COL2A1: variants seen among roughly 807,000 people sequenced by gnomAD.
COL2A1 encodes collagen alpha-1(II) chain.
COL2A1 carries 28 observed loss-of-function variants against 204.5 expected under a neutral mutation model. That is an observed-to-expected ratio of 0.14 (90% CI 0.10 to 0.19). COL2A1 has a LOEUF of 0.19. Among genes scored for constraint, COL2A1 ranks in the 10% least tolerant of loss-of-function variants. The pLI is 1.00. For missense variants in COL2A1, 1,388 were observed against 2,027.5 expected (o/e 0.68, Z 6.06); for synonymous variants, 708 against 718.7 (o/e 0.99, Z 0.24).
chr12:47,973,290 T>A lies in COL2A1; in HGVS notation c.*117A>T. 7.4e-7 allele frequency: 1 copy of A among 1,350,362 alleles called. No individual in the cohort carries two copies. Among genetic ancestry groups the A allele is most frequent in the Non-Finnish European group, 1.1e-6 (1 of 939,536 alleles). 83.6% of individuals were successfully genotyped at this position (1,350,362 alleles called of 1,614,324 possible). A position where few individuals can be genotyped will look rare whatever the true frequency, so the allele number is the denominator to read the frequency against. ...AAGTCCGAACTGTGAGAGGGTGGGA[T>A]GAATGGACATCAGGTCAGGTCAGCC... is the stretch of plus-strand genomic sequence containing the variant. On this transcript the variant is annotated 3_prime_UTR_variant, in exon 54 of 54. Coordinates refer to ENST00000380518, the MANE Select transcript of COL2A1 (RefSeq NM_001844.5).
chr12:47,994,155 T>C, intron 12 of COL2A1, 108 bp from the exon 13 acceptor site: 1 of 1,274,572 alleles, frequency 7.8e-7, no homozygotes, highest in Non-Finnish European at 1.1e-6. Context: ...GGGCGTTGTC[T>C]CGAATCCCCA....
intron 26 of COL2A1, 46 bp downstream of exon 26, chr12:47,985,488 G>A: frequency 6.3e-7 from 1 of 1,592,008 alleles, no homozygotes; most frequent in Non-Finnish European, 8.6e-7. Context: ...TGCTTCCCCA[G>A]GGAGATCCCC....
In COL2A1 at chr12:47,973,023, G is replaced by A. The variant is rs1355204543; in HGVS notation, c.*384C>T. The A allele has an allele frequency of 3.9e-6, 2 of 510,848 alleles. No individual in the cohort carries two copies. Among genetic ancestry groups the A allele is most frequent in the East Asian group, 2.9e-5 (1 of 34,610 alleles). 31.6% of individuals were successfully genotyped at this position (510,848 alleles called of 1,614,324 possible). On this transcript the variant is annotated 3_prime_UTR_variant, in exon 54 of 54. Coordinates refer to ENST00000380518, the MANE Select transcript of COL2A1 (RefSeq NM_001844.5). ...CAATTGATGTTTTAAAAAATACAGA[G>A]GTGTTTGACACAGAATAGCACCATT...
At chr12:47,989,988 T>C (rs1323368556) in intron 16 of COL2A1, among the ~76,000 whole-genome samples, 183 bp from the exon 17 acceptor site, 3 of 144,398 alleles carry the variant, frequency 2.1e-5, no homozygotes, top group East Asian at 4.2e-4. Flanking sequence ...CAGAAGGCAG[T>C]AATGGGCTTC....
In COL2A1 at chr12:47,997,870, C is replaced by G. The variant is rs1409078868; in HGVS notation, c.429+1G>C. ...GTCAAGCAGCATTGCTTTTTACTCA[C>G]TTTTTCACCTTTGTCACCACGATCC... On this transcript the variant is annotated splice_donor_variant, in intron 6 of 53. Coordinates refer to ENST00000380518, the MANE Select transcript of COL2A1 (RefSeq NM_001844.5). LOFTEE classifies it high-confidence loss of function. 1 of 1,614,134 alleles carries G rather than the reference C, an allele frequency of 6.2e-7. No homozygotes were observed. Among genetic ancestry groups the G allele is most frequent in the Non-Finnish European group, 8.5e-7 (1 of 1,180,044 alleles).
In COL2A1 at chr12:47,975,389, G is replaced by A. The variant is rs1226449887; in HGVS notation, c.3814C>T (p.Pro1272Ser). Residue 1272 changes from proline to serine, a missense_variant, in exon 51 of 54, where the codon CCC becomes TCC. Around this residue, in one of 3 missense-constraint regions of COL2A1, gnomAD observed 303 missense variants for 369.2 expected, o/e 0.82. Transcript: ENST00000380518. ...GCAGGGTTCTTGCGGGAGCCCTCGGGGCTGCGGATGCTCTCAATCTGGTTG... is the reference window on the plus strand; with the variant it reads ...GCAGGGTTCTTGCGGGAGCCCTCGGAGCTGCGGATGCTCTCAATCTGGTTG... ...LNNQIESIRS[P>S]EGSRKNPART... 1.9e-6 allele frequency: 3 copies of A among 1,614,082 alleles called. No homozygotes were observed. The highest frequency in any genetic ancestry group is 2.5e-6 in the Non-Finnish European group (3 of 1,180,044).
intron 45 of COL2A1, 29 bp downstream of exon 45, chr12:47,977,571 C>T: frequency 1.2e-6 from 2 of 1,613,824 alleles, no homozygotes; most frequent in Non-Finnish European, 1.7e-6. Flanking sequence ...CTCCCCAACC[C>T]ACTGCACACA....
rs2136506426 is a variant in COL2A1 at position 47,974,328 on chromosome 12, T to C, written c.4078A>G (p.Ser1360Gly). ...GETINGGFHF[S>G]YGDDNLAPNT... is the part of the protein sequence containing the mutation. ...GGAGCCAGATTGTCATCTCCATAGC[T>C]GAACTGTTGGGGCAGAGAGCGGCAG... The change falls in exon 53 of 54, where the codon AGC (serine) becomes GGC (glycine). Residue 1360 changes from serine to glycine, a missense_variant. Ser to Gly is a moderately conservative substitution (Grantham distance 56). This residue lies in a region of COL2A1 where 303 missense variants were observed against 369.2 expected (regional missense o/e 0.82). Transcript: ENST00000380518. 1 of 1,613,852 alleles carries C rather than the reference T, an allele frequency of 6.2e-7. No individual in the cohort carries two copies. The highest frequency in any genetic ancestry group is 8.5e-7 in the Non-Finnish European group (1 of 1,179,984).
chr12:47,980,086 T>G lies in COL2A1; in HGVS notation c.2626-24A>C. The G allele has an allele frequency of 6.5e-7, 1 of 1,547,278 alleles. No homozygotes were observed. Among genetic ancestry groups the G allele is most frequent in the Non-Finnish European group, 8.7e-7 (1 of 1,143,402 alleles). The stretch of plus-strand genomic sequence containing the variant: ...CCCTGGAAAGGAAAGAGGGAGACAG[T>G]GAGGCCCAGTGGCCCAAGGAAGACG... On this transcript the variant is annotated intron_variant, in intron 39 of 53. Transcript: ENST00000380518. This position sits in a 1 kb window ranked among gnomAD's most constrained non-coding sequence, Gnocchi z 4.5.
At chr12:47,994,308 G>A (rs1311677611) in intron 12 of COL2A1, 116 bp downstream of exon 12, 3 of 1,131,694 alleles carry the variant, frequency 2.7e-6, no homozygotes, top group Non-Finnish European at 4.0e-6. Context: ...ATAAATATAG[G>A]GGCTACTGGC....
chr12:48,001,585 C>A (rs750100009), intron 1 of COL2A1, among the ~76,000 whole-genome samples: 1 of 152,150 alleles, frequency 6.6e-6, no homozygotes, highest in African/African-American at 2.4e-5. Context: ...GGGCCACTCC[C>A]CGTGCGGATC....
At position 47,975,399 on chromosome 12, in the gene COL2A1, G is replaced by A; in HGVS notation, c.3804C>T (p.Ser1268=). 1 of 1,614,190 alleles carries A rather than the reference G, an allele frequency of 6.2e-7. No homozygotes were observed. The highest frequency in any genetic ancestry group is 8.5e-7 in the Non-Finnish European group (1 of 1,180,036). The part of the protein sequence containing the change: ...TLKSLNNQIE[S]IRSPEGSRKN... ...TGCGGGAGCCCTCGGGGCTGCGGAT[G>A]CTCTCAATCTGGTTGTTGAGGGACT... The change falls in exon 51 of 54, where the codon AGC becomes AGT. Residue 1268 remains serine (S), a synonymous_variant. Transcript: ENST00000380518.
At position 47,980,849 on chromosome 12, in the gene COL2A1, C is replaced by T; in HGVS notation, c.2517+66G>A. On this transcript the variant is annotated intron_variant, in intron 38 of 53. Coordinates refer to ENST00000380518, the MANE Select transcript of COL2A1 (RefSeq NM_001844.5). The surrounding 1 kb of genome is among the most constrained non-coding windows in gnomAD (Gnocchi z 4.5). ...TTCCCTCCCTGACAAGCTCCGATGC[C>T]CGAGGGTGCTGGATGTGGAACTGGC... The T allele has an allele frequency of 6.5e-7, 1 of 1,533,446 alleles. No individual in the cohort carries two copies. 95.0% of individuals were successfully genotyped at this position (1,533,446 alleles called of 1,614,324 possible). A position where few individuals can be genotyped will look rare whatever the true frequency, so the allele number is the denominator to read the frequency against.
At chr12:47,996,450 A>T in intron 8 of COL2A1, 98 bp downstream of exon 8, 5 of 1,030,228 alleles carry the variant, frequency 4.9e-6, no homozygotes, top group Non-Finnish European at 7.7e-6. Flanking sequence ...GAGCCACTCT[A>T]AGCAATTATC....
intron 16 of COL2A1, among the ~76,000 whole-genome samples, chr12:47,990,309 C>T (rs1198350915): frequency 6.6e-6 from 1 of 152,216 alleles, no homozygotes; most frequent in Non-Finnish European, 1.5e-5. Context: ...CGCACCTGGC[C>T]CCTAATCTTA....
chr12:47,998,093 A>G (rs1186570035), intron 4 of COL2A1, 29 bp from the exon 5 acceptor site: 12 of 1,613,990 alleles, frequency 7.4e-6, no homozygotes, highest in Non-Finnish European at 1.0e-5. Flanking sequence ...CAGGATGGTA[A>G]GTTAGAGGAG....
In COL2A1 at chr12:47,978,667, C is replaced by G. The variant is rs886041914; in HGVS notation, c.2825G>C (p.Gly942Ala). The G allele has an allele frequency of 1.2e-6, 2 of 1,613,316 alleles. No homozygotes were observed. Among genetic ancestry groups the G allele is most frequent in the Non-Finnish European group, 1.7e-6 (2 of 1,180,016 alleles). ...RGDSGPPGRA[G>A]EPGLQGPAGP... ...AGCAGGACCTTGGAGGCCGGGTTCA[C>G]CAGCTCGGCCAGGGGGGCCGCTGTC... The change falls in exon 42 of 54, where the codon GGT (glycine) becomes GCT (alanine). Residue 942 changes from glycine (G) to alanine (A), a missense_variant. Physicochemically the swap from Gly to Ala is moderately conservative, Grantham distance 60. Around this residue, in one of 3 missense-constraint regions of COL2A1, gnomAD observed 884 missense variants for 1,415.8 expected, o/e 0.62. Transcript: ENST00000380518. This position sits in a 1 kb window ranked among gnomAD's most constrained non-coding sequence, Gnocchi z 5.5.
At chr12:47,998,386 T>A in intron 3 of COL2A1, 29 bp downstream of exon 3, 1 of 1,581,480 alleles carries the variant, frequency 6.3e-7, no homozygotes, top group Admixed American at 1.7e-5. Flanking sequence ...CAAAAAAATA[T>A]GAAAAAAGAA....
chr12:48,000,795 C>T (rs770977611), intron 1 of COL2A1, among the ~76,000 whole-genome samples: 17 of 152,260 alleles, frequency 1.1e-4, no homozygotes, highest in Non-Finnish European at 1.8e-4. Flanking sequence ...AGAATTAGGA[C>T]CAATTTGGGG....
Sources: gnomAD v4.1 joint callset for allele counts (sites outside exome capture counted in the v4.1 genomes callset) on GRCh38, gnomAD v4.1.1 for gene constraint, gnomAD v4.1.1 regional missense constraint, Gnocchi (gnomAD v3.1) non-coding constraint, MANE v1.5 for transcripts, NCBI Gene and HGNC (gene_info 2026-07-23, HGNC 2026-07-21) for gene names.